Variants in KMT5B observed in about 807,000 individuals in gnomAD.
The protein encoded by KMT5B is lysine methyltransferase 5B.
Under a neutral mutation model 83.2 loss-of-function variants are expected in KMT5B, and 10 were observed. That is an observed-to-expected ratio of 0.12 (90% CI 0.07 to 0.20). The LOEUF (loss-of-function observed/expected upper bound fraction) is 0.20. KMT5B is among the 10% of genes least tolerant of loss of function. KMT5B has a pLI of 1.00. For missense variants in KMT5B, 753 were observed against 1,067.2 expected (o/e 0.71, Z 4.10); for synonymous variants, 349 against 388.8 (o/e 0.90, Z 1.20).
In KMT5B at chr11:68,171,935, T is replaced by C. The variant is rs1272484767; in HGVS notation, c.654-226A>G. Among the ~76,000 whole-genome samples, 1 of 152,146 alleles carries C rather than the reference T, an allele frequency of 6.6e-6. No homozygotes were observed. The highest frequency in any genetic ancestry group is 1.9e-4 in the East Asian group (1 of 5,190). ...TACCTATCTTATTCCTGCAAGAGAA[T>C]GGAAACTCAACCAGGACAGGGACTA... On this transcript the variant is annotated intron_variant, in intron 6 of 10. Coordinates refer to ENST00000304363, the MANE Select transcript of KMT5B (RefSeq NM_017635.5). The surrounding 1 kb of genome is among the most constrained non-coding windows in gnomAD (Gnocchi z 5.1).
At chr11:68,204,193 C>G (rs1239587505) in intron 1 of KMT5B, among the ~76,000 whole-genome samples, 1 of 152,136 alleles carries the variant, frequency 6.6e-6, no homozygotes, top group African/African-American at 2.4e-5. Context: ...TTGAAAAAGA[C>G]TAAACTTGTT....
At chr11:68,181,785 A>C (rs1283376129) in intron 3 of KMT5B, among the ~76,000 whole-genome samples, 2 of 152,224 alleles carry the variant, frequency 1.3e-5, no homozygotes, top group Admixed American at 1.3e-4. Flanking sequence ...CCTTTCACCA[A>C]GATTATTGTA....
intron 1 of KMT5B, among the ~76,000 whole-genome samples, chr11:68,211,826 G>T (rs912873111): frequency 6.6e-6 from 1 of 152,160 alleles, no homozygotes; most frequent in African/African-American, 2.4e-5. Flanking sequence ...CCAGAATGTC[G>T]AATGTTTAGA....
At chr11:68,210,852 A>G (rs763692185) in intron 1 of KMT5B, among the ~76,000 whole-genome samples, 1 of 152,176 alleles carries the variant, frequency 6.6e-6, no homozygotes, top group Non-Finnish European at 1.5e-5. Flanking sequence ...ATAGTCGGGG[A>G]ACTCCTGACC....
chr11:68,211,215 G>C (rs1175830730), intron 1 of KMT5B, among the ~76,000 whole-genome samples: 1 of 152,062 alleles, frequency 6.6e-6, no homozygotes, highest in Admixed American at 6.6e-5. Context: ...TCCTTCACAC[G>C]CGTCTCTCCC....
At position 68,171,315 on chromosome 11, in the gene KMT5B, T is replaced by C. The variant is rs1448168136; in HGVS notation, c.821-64A>G. 8.3e-6 allele frequency: 13 copies of C among 1,573,202 alleles called. No individual in the cohort carries two copies. The Admixed American group carries it at 1.8e-4, about 21-fold the overall frequency. On this transcript the variant is annotated intron_variant, in intron 7 of 10. Coordinates refer to ENST00000304363, the MANE Select transcript of KMT5B (RefSeq NM_017635.5). The surrounding 1 kb of genome is among the most constrained non-coding windows in gnomAD (Gnocchi z 5.1). ...ATAAGATCTGAAACACGAACAATTA[T>C]AGAAATCTGAAATAAGCTTTCCATA...
intron 4 of KMT5B, among the ~76,000 whole-genome samples, chr11:68,178,460 T>C (rs1159038661): frequency 2.0e-5 from 3 of 152,232 alleles, no homozygotes; most frequent in African/African-American, 7.2e-5. Context: ...CTGACTTTAT[T>C]GCCTCAAACA....
chr11:68,211,539 G>A (rs1467310457), intron 1 of KMT5B, among the ~76,000 whole-genome samples: 1 of 152,166 alleles, frequency 6.6e-6, no homozygotes, highest in Admixed American at 6.5e-5. Flanking sequence ...TTGACAACTT[G>A]GAGATTAATA....
chr11:68,167,301 C>T lies in KMT5B; in HGVS notation c.978-123G>A, dbSNP rs114870477. 1,891 of 1,188,182 alleles carry T rather than the reference C, an allele frequency of 1.6e-3. 14 individuals carry two copies. In the African/African-American group the frequency reaches 0.017, roughly 11 times the overall value. 73.6% of individuals were successfully genotyped at this position (1,188,182 alleles called of 1,614,324 possible). Reference sequence around the variant, plus strand: ...TGAGCTGCTGAGGCCTTAATCACCACTGGAAACCGAAGACTAGAACTCACA... The same window carrying T: ...TGAGCTGCTGAGGCCTTAATCACCATTGGAAACCGAAGACTAGAACTCACA... On this transcript the variant is annotated intron_variant, in intron 9 of 10. Transcript: ENST00000304363.
intron 1 of KMT5B, among the ~76,000 whole-genome samples, chr11:68,193,753 T>C (rs1027734065): frequency 1.3e-5 from 2 of 152,064 alleles, no homozygotes; most frequent in African/African-American, 4.8e-5. Context: ...TTAATGATCA[T>C]ATATCTTACA....
chr11:68,187,124 G>C (rs1857512201), intron 2 of KMT5B, among the ~76,000 whole-genome samples: 2 of 151,696 alleles, frequency 1.3e-5, no homozygotes, highest in Non-Finnish European at 2.9e-5. Context: ...AGCCTCCCTA[G>C]TAGCTGGGAC....
At chr11:68,211,247 A>C (rs958411461) in intron 1 of KMT5B, among the ~76,000 whole-genome samples, 1 of 152,086 alleles carries the variant, frequency 6.6e-6, no homozygotes, top group Non-Finnish European at 1.5e-5. Flanking sequence ...GCTACCCTCC[A>C]TCCACCTCCA....
At chr11:68,164,339 C>T (rs1855124165) in intron 10 of KMT5B, among the ~76,000 whole-genome samples, 1 of 152,198 alleles carries the variant, frequency 6.6e-6, no homozygotes, top group African/African-American at 2.4e-5. Context: ...AGATGAGCAG[C>T]CACACAGAAA....
At chr11:68,178,357 C>A (rs1354905404) in intron 4 of KMT5B, among the ~76,000 whole-genome samples, 1 of 152,186 alleles carries the variant, frequency 6.6e-6, no homozygotes, top group East Asian at 1.9e-4. Flanking sequence ...TAATGCCAAA[C>A]AATTTACATG....
intron 1 of KMT5B, among the ~76,000 whole-genome samples, chr11:68,204,030 G>C (rs1371279291): frequency 6.6e-6 from 1 of 152,132 alleles, no homozygotes; most frequent in African/African-American, 2.4e-5. Flanking sequence ...CAATTCAACA[G>C]CTTTCCCAAG....
intron 10 of KMT5B, chr11:68,165,626 T>C: frequency 2.5e-6 from 2 of 806,304 alleles, no homozygotes; most frequent in Non-Finnish European, 3.4e-6. Flanking sequence ...TGTGCCACCA[T>C]GCCTGGCTTT....
intron 1 of KMT5B, among the ~76,000 whole-genome samples, chr11:68,205,908 C>A (rs1378270159): frequency 2.0e-5 from 3 of 152,154 alleles, no homozygotes; most frequent in African/African-American, 7.2e-5. Context: ...GCGTGAGCCA[C>A]CGCGCCCGGC....
chr11:68,208,371 G>A (rs1318936115), intron 1 of KMT5B, among the ~76,000 whole-genome samples: 3 of 151,760 alleles, frequency 2.0e-5, no homozygotes, highest in South Asian at 4.2e-4. Flanking sequence ...TGCATGAACC[G>A]GGACCTGGGA....
intron 10 of KMT5B, among the ~76,000 whole-genome samples, chr11:68,162,578 T>C (rs1488682886): frequency 2.0e-5 from 3 of 152,182 alleles, no homozygotes; most frequent in African/African-American, 4.8e-5. Flanking sequence ...TTTTCACCCG[T>C]TGGATGACTC....
Sources: gnomAD v4.1 joint callset for allele counts (sites outside exome capture counted in the v4.1 genomes callset) on GRCh38, gnomAD v4.1.1 for gene constraint, Gnocchi (gnomAD v3.1) non-coding constraint, MANE v1.5 for transcripts, NCBI Gene and HGNC (gene_info 2026-07-23, HGNC 2026-07-21) for gene names.